The following NDST3 variants were observed in gnomAD, a reference collection of about 807,000 sequenced individuals.
NDST3 encodes the protein bifunctional heparan sulfate N-deacetylase/N-sulfotransferase 3.
NDST3 carries 58 observed loss-of-function variants against 96.1 expected under a neutral mutation model. That is an observed-to-expected ratio of 0.60 (90% CI 0.49 to 0.75). NDST3 has a LOEUF of 0.75. NDST3 is among the 30% of genes least tolerant of loss of function. NDST3 has a pLI of 0.00. For missense variants in NDST3, 788 were observed against 1,034.2 expected (o/e 0.76, Z 3.27); for synonymous variants, 333 against 359.7 (o/e 0.93, Z 0.84).
intron 4 of NDST3, among the ~76,000 whole-genome samples, chr4:118,118,379 A>T (rs147770878): frequency 1.3e-5 from 2 of 152,342 alleles, no homozygotes; most frequent in Non-Finnish European, 2.9e-5. Flanking sequence ...GAGGACATTT[A>T]AAGTACCCTT....
At chr4:118,254,910 C>T (rs1742019608) in intron 13 of NDST3, among the ~76,000 whole-genome samples, 1 of 152,108 alleles carries the variant, frequency 6.6e-6, no homozygotes, top group African/African-American at 2.4e-5. Context: ...TTTTGATAAA[C>T]AAACTGCATT....
intron 4 of NDST3, among the ~76,000 whole-genome samples, chr4:118,134,653 T>C (rs966835819): frequency 5.9e-5 from 9 of 152,204 alleles, no homozygotes; most frequent in African/African-American, 2.2e-4. Context: ...GATGGTGTCA[T>C]TTAATGACAT....
rs1316546218 is a variant in NDST3 at position 118,258,088 on chromosome 4, GT to G, written c.*2379del. 1.3e-5 allele frequency: 2 copies of G among 152,300 alleles called. No homozygotes were observed. The highest frequency in any genetic ancestry group is 4.8e-5 in the African/African-American group (2 of 41,572). The allele number at this position is 152,300 out of a possible 1,614,324, so 9.4% of individuals were successfully genotyped here. A position where few individuals can be genotyped will look rare whatever the true frequency, so the allele number is the denominator to read the frequency against. ...AGCAAAGCTGCTAATGGCCTATTTT[GT>G]TTAGGTAAATCGAGTTGACTGAACA... is the stretch of plus-strand genomic sequence containing the variant. On this transcript the variant is annotated 3_prime_UTR_variant, in exon 14 of 14. Transcript: ENST00000296499.
chr4:118,068,893 C>A (rs1230167188), intron 2 of NDST3, among the ~76,000 whole-genome samples: 2 of 152,010 alleles, frequency 1.3e-5, no homozygotes, highest in Non-Finnish European at 2.9e-5. Flanking sequence ...AGAGTTCTTA[C>A]ATTTAGTTAT....
intron 2 of NDST3, among the ~76,000 whole-genome samples, chr4:118,067,135 T>C (rs1201625908): frequency 6.6e-6 from 1 of 151,350 alleles, no homozygotes; most frequent in Non-Finnish European, 1.5e-5. Context: ...AATGAATAGT[T>C]ATATCCTGCC....
intron 6 of NDST3, among the ~76,000 whole-genome samples, chr4:118,167,525 C>A (rs1735632057): frequency 6.6e-6 from 1 of 151,844 alleles, no homozygotes; most frequent in Non-Finnish European, 1.5e-5. Context: ...TCATCAAAAT[C>A]CCAGTGGCAT....
At chr4:118,052,412 G>A (rs1055616164) in intron 1 of NDST3, among the ~76,000 whole-genome samples, 3 of 152,054 alleles carry the variant, frequency 2.0e-5, no homozygotes, top group South Asian at 2.1e-4. Flanking sequence ...GGACATACAC[G>A]GTGGAAAAAC....
At chr4:118,151,643 A>G (rs1734408232) in intron 6 of NDST3, among the ~76,000 whole-genome samples, 1 of 152,134 alleles carries the variant, frequency 6.6e-6, no homozygotes, top group South Asian at 2.1e-4. Flanking sequence ...TTTGGTAATC[A>G]AAGATTACCA....
At chr4:118,187,750 A>G (rs1160360785) in intron 6 of NDST3, among the ~76,000 whole-genome samples, 1 of 152,212 alleles carries the variant, frequency 6.6e-6, no homozygotes, top group Non-Finnish European at 1.5e-5. Context: ...ATCCACATCA[A>G]TGATGCCATC....
At chr4:118,104,831 T>C (rs895412135) in intron 2 of NDST3, among the ~76,000 whole-genome samples, 187 bp from the exon 3 acceptor site, 6 of 151,934 alleles carry the variant, frequency 3.9e-5, no homozygotes. Context: ...TAAATAAATG[T>C]ATGTGTTTCA....
chr4:118,201,683 T>C (rs1307135870), intron 6 of NDST3, among the ~76,000 whole-genome samples: 1 of 152,220 alleles, frequency 6.6e-6, no homozygotes, highest in African/African-American at 2.4e-5. Context: ...TTCTGGATAC[T>C]AGGCCATTGT....
chr4:118,121,261 A>G (rs1731542713), intron 4 of NDST3, among the ~76,000 whole-genome samples: 1 of 152,192 alleles, frequency 6.6e-6, no homozygotes, highest in African/African-American at 2.4e-5. Flanking sequence ...TGGTAGAGCA[A>G]TACATATCCT....
At chr4:118,170,991 C>T (rs1474085138) in intron 6 of NDST3, among the ~76,000 whole-genome samples, 1 of 152,158 alleles carries the variant, frequency 6.6e-6, no homozygotes, top group East Asian at 1.9e-4. Flanking sequence ...CAAAGCTTAC[C>T]TCTCTGATTT....
At chr4:118,251,133 T>TTATA in intron 12 of NDST3, among the ~76,000 whole-genome samples, 1 of 141,276 alleles carries the variant, frequency 7.1e-6, no homozygotes, top group South Asian at 2.2e-4. Context: ...TTATTTTATT[T>TTATA]TTTTTTTTTT....
chr4:118,086,840 T>C (rs1398502123), intron 2 of NDST3, among the ~76,000 whole-genome samples: 1 of 152,108 alleles, frequency 6.6e-6, no homozygotes, highest in Non-Finnish European at 1.5e-5. Context: ...TATACATATA[T>C]TAAGGGGAGA....
At chr4:118,243,089 G>T (rs993271537) in intron 12 of NDST3, among the ~76,000 whole-genome samples, 4 of 150,810 alleles carry the variant, frequency 2.7e-5, no homozygotes, top group Admixed American at 1.3e-4. Context: ...CCGTAAGTTG[G>T]TTTTTTTTTA....
chr4:118,146,460 AT>A (rs1733954183), intron 6 of NDST3, among the ~76,000 whole-genome samples: 1 of 152,338 alleles, frequency 6.6e-6, no homozygotes, highest in Non-Finnish European at 1.5e-5. Flanking sequence ...TCAACATAAT[AT>A]CAAGGTGCTA....
chr4:118,198,633 C>T (rs188120977), intron 6 of NDST3, among the ~76,000 whole-genome samples: 1 of 152,206 alleles, frequency 6.6e-6, no homozygotes, highest in East Asian at 1.9e-4. Flanking sequence ...TTTCTGCAGA[C>T]TATTACTAGT....
At chr4:118,195,377 T>C (rs567310747) in intron 6 of NDST3, among the ~76,000 whole-genome samples, 17 of 152,182 alleles carry the variant, frequency 1.1e-4, no homozygotes, top group Admixed American at 2.0e-4. Flanking sequence ...ATAAGTCTCA[T>C]GGGATCTAAT....
Sources: gnomAD v4.1 joint callset for allele counts (sites outside exome capture counted in the v4.1 genomes callset) on GRCh38, gnomAD v4.1.1 for gene constraint, MANE v1.5 for transcripts, NCBI Gene and HGNC (gene_info 2026-07-23, HGNC 2026-07-21) for gene names.